FGF12: variants seen among roughly 807,000 people sequenced by gnomAD.
The protein encoded by FGF12 is fibroblast growth factor 12B.
FGF12 carries 14 observed loss-of-function variants against 23.6 expected under a neutral mutation model. The ratio of observed to expected loss-of-function variants is 0.59; its 90% CI spans 0.39 to 0.93. FGF12 has a LOEUF of 0.93. FGF12 is among the 40% of genes least tolerant of loss of function. FGF12 has a pLI of 0.00. For missense variants in FGF12, 175 were observed against 217.8 expected, an observed-to-expected ratio of 0.80 and a Z score of 1.24; for synonymous variants, 62 against 77.3, an observed-to-expected ratio of 0.80 and a Z score of 1.04.
chr3:192,187,575 A>G (rs1716541272), intron 4 of FGF12, among the ~76,000 whole-genome samples: 1 of 152,174 alleles, frequency 6.6e-6, no homozygotes, highest in Non-Finnish European at 1.5e-5. Context: ...AGAGATTAAT[A>G]AACAGTTTTT....
chr3:192,485,938 G>A (rs1723621021), intron 2 of FGF12, among the ~76,000 whole-genome samples: 1 of 151,896 alleles, frequency 6.6e-6, no homozygotes, highest in Non-Finnish European at 1.5e-5. Context: ...TCATCATTTT[G>A]TACGCACTAT....
At chr3:192,618,674 G>C (rs1277309138) in intron 2 of FGF12, among the ~76,000 whole-genome samples, 1 of 151,938 alleles carries the variant, frequency 6.6e-6, no homozygotes, top group Non-Finnish European at 1.5e-5. Context: ...AAGTCTTCCA[G>C]AACAGATTCA....
intron 2 of FGF12, among the ~76,000 whole-genome samples, chr3:192,471,841 G>A (rs1451247905): frequency 6.6e-6 from 1 of 152,080 alleles, no homozygotes; most frequent in Non-Finnish European, 1.5e-5. Flanking sequence ...GTGTGTTCAA[G>A]GATACATGAT....
intron 4 of FGF12, among the ~76,000 whole-genome samples, chr3:192,179,783 G>C (rs940562561): frequency 3.3e-5 from 5 of 152,012 alleles, no homozygotes; most frequent in African/African-American, 1.2e-4. Flanking sequence ...TGACCTCAAG[G>C]GATCTGCCTG....
At chr3:192,570,904 C>A (rs567981442) in intron 2 of FGF12, among the ~76,000 whole-genome samples, 1 of 152,314 alleles carries the variant, frequency 6.6e-6, no homozygotes, top group Admixed American at 6.5e-5. Flanking sequence ...AGCTCACTTT[C>A]TGGCATCCGT....
At chr3:192,299,616 C>T (rs1359749302) in intron 4 of FGF12, among the ~76,000 whole-genome samples, 1 of 152,138 alleles carries the variant, frequency 6.6e-6, no homozygotes, top group South Asian at 2.1e-4. Flanking sequence ...TAACTTTGTT[C>T]TAGGCATTAT....
At chr3:192,552,037 T>C (rs988272545) in intron 2 of FGF12, among the ~76,000 whole-genome samples, 1 of 152,014 alleles carries the variant, frequency 6.6e-6, no homozygotes, top group Non-Finnish European at 1.5e-5. Flanking sequence ...GTAGAAATAA[T>C]ATATTCACAA....
intron 2 of FGF12, among the ~76,000 whole-genome samples, chr3:192,498,472 A>T (rs1724026468): frequency 6.6e-6 from 1 of 152,258 alleles, no homozygotes; most frequent in African/African-American, 2.4e-5. Flanking sequence ...ATTACAGATA[A>T]AAATGCATGT....
intron 2 of FGF12, among the ~76,000 whole-genome samples, chr3:192,630,224 C>T (rs1416655110): frequency 6.6e-6 from 1 of 152,102 alleles, no homozygotes; most frequent in Non-Finnish European, 1.5e-5. Context: ...CCTGGGGCCT[C>T]CCCAGAAGCC....
rs1553844161 is a variant in FGF12, at chr3:192,158,395, C to CTTTCTTTT, written c.427+12062_427+12063insAAAAGAAA. Among the ~76,000 whole-genome samples the CTTTCTTTT allele has an allele frequency of 4.3e-3, 312 of 72,836 alleles. 8 individuals are homozygous for CTTTCTTTT. The highest frequency in any genetic ancestry group is 0.022 in the African/African-American group (302 of 14,022). The allele number at this position is 72,836 out of a possible 152,430, so 47.8% of individuals were successfully genotyped here. ...CTTTCTTTCTTTCTTTTCTTTCTCTCTCTTTCTTTTTCTTTCTTTCTCTTT... is the reference window on the plus strand; with the variant it reads ...CTTTCTTTCTTTCTTTTCTTTCTCTCTTTCTTTTTCTTTCTTTTTCTTTCTTTCTCTTT... On this transcript the variant is annotated intron_variant, in intron 5 of 5. Coordinates refer to ENST00000445105, the MANE Select transcript of FGF12 (RefSeq NM_004113.6).
At position 192,358,388 on chromosome 3, in the gene FGF12, T is replaced by G. The variant is rs111600051; in HGVS notation, c.124+2040A>C. Reference sequence around the variant, plus strand: ...AATTTATCTTAATAAAATATTAAGATAGTTTATCTTAATAAAATATTAGTT... The same window carrying G: ...AATTTATCTTAATAAAATATTAAGAGAGTTTATCTTAATAAAATATTAGTT... On this transcript the variant is annotated intron_variant, in intron 3 of 5. Coordinates refer to ENST00000445105, the MANE Select transcript of FGF12 (RefSeq NM_004113.6). 5.1e-3 allele frequency among the ~76,000 whole-genome samples: 771 copies of G among 152,284 alleles called. 6 individuals are homozygous for G. The highest frequency in any genetic ancestry group is 9.8e-3 in the Admixed American group (149 of 15,280).
intron 4 of FGF12, among the ~76,000 whole-genome samples, chr3:192,260,546 A>C (rs1254983081): frequency 6.6e-6 from 1 of 152,156 alleles, no homozygotes; most frequent in Non-Finnish European, 1.5e-5. Context: ...ACAAATCTCC[A>C]TATGCAGAAT....
intron 4 of FGF12, among the ~76,000 whole-genome samples, chr3:192,190,035 G>C (rs1716693988): frequency 1.3e-5 from 2 of 152,122 alleles, no homozygotes; most frequent in Non-Finnish European, 2.9e-5. Context: ...ATTGAAAAAA[G>C]CATGGAAGCA....
intron 2 of FGF12, among the ~76,000 whole-genome samples, chr3:192,581,490 A>G (rs199916712): frequency 0.012 from 306 of 26,000 alleles, 4 homozygotes; most frequent in African/African-American, 0.036. Context: ...GTGTGTGTAT[A>G]TATATATATA....
chr3:192,143,910 AT>A lies in FGF12; in HGVS notation c.*98del, dbSNP rs1713545647. 1 of 776,136 alleles carries A rather than the reference AT, an allele frequency of 1.3e-6. No individual in the cohort carries two copies. The highest frequency in any genetic ancestry group is 2.2e-6 in the Non-Finnish European group (1 of 452,924). The allele number at this position is 776,136 out of a possible 1,614,324, so 48.1% of individuals were successfully genotyped here. On this transcript the variant is annotated 3_prime_UTR_variant, in exon 6 of 6. Coordinates refer to ENST00000445105, the MANE Select transcript of FGF12 (RefSeq NM_004113.6). ...CCACTAGGTCTTGCGTTGTCATTTT[AT>A]TTTCCTCTCCTTGGGTGGATTTACT...
intron 2 of FGF12, among the ~76,000 whole-genome samples, chr3:192,383,121 A>G (rs1719895486): frequency 1.3e-5 from 2 of 152,226 alleles, no homozygotes; most frequent in East Asian, 3.8e-4. Context: ...ATTTCCTTAG[A>G]AGACAGCAAA....
intron 2 of FGF12, among the ~76,000 whole-genome samples, chr3:192,666,910 A>T (rs1425376153): frequency 1.7e-3 from 232 of 138,502 alleles, no homozygotes; most frequent in African/African-American, 6.0e-3. Flanking sequence ...ATAGTTGGAT[A>T]GATAGATGAT....
intron 2 of FGF12, among the ~76,000 whole-genome samples, chr3:192,444,386 C>T (rs963914789): frequency 2.0e-5 from 3 of 152,118 alleles, no homozygotes; most frequent in Non-Finnish European, 2.9e-5. Context: ...ATGCTTTTGA[C>T]TCAGCCCTCT....
At chr3:192,210,991 T>A (rs1717901384) in intron 4 of FGF12, among the ~76,000 whole-genome samples, 1 of 152,108 alleles carries the variant, frequency 6.6e-6, no homozygotes, top group Non-Finnish European at 1.5e-5. Flanking sequence ...CAGGAGAGAT[T>A]GCAAGGTTTA....
Sources: allele counts gnomAD v4.1 joint callset (sites outside exome capture counted in the v4.1 genomes callset), GRCh38; gene constraint gnomAD v4.1.1; transcripts MANE v1.5; gene names NCBI Gene and HGNC (gene_info 2026-07-23, HGNC 2026-07-21).